SERPINB10: variants seen among roughly 807,000 people sequenced by gnomAD.
SERPINB10 encodes the protein serpin B10.
Under a neutral mutation model 39.1 loss-of-function variants are expected in SERPINB10, and 35 were observed. That is an observed-to-expected ratio of 0.90 (90% confidence interval 0.68 to 1.19). SERPINB10 has a LOEUF of 1.19. Among genes scored for constraint, SERPINB10 ranks in the 50% most tolerant of loss-of-function variants. SERPINB10 has a pLI of 0.00. For synonymous variants in SERPINB10, 190 were observed against 158.1 expected (o/e 1.20, Z -1.52); for missense variants, 546 against 460.5 (o/e 1.19, Z -1.70).
chr18:63,921,645 C>T (rs17072161), intron 5 of SERPINB10, among the ~76,000 whole-genome samples: 2,380 of 152,010 alleles, frequency 0.016, 71 homozygotes, highest in African/African-American at 0.053. Flanking sequence ...GCCTAGAATA[C>T]AAATTAGACC....
In SERPINB10 at chr18:63,930,152, C is replaced by G. The variant is rs144898270; in HGVS notation, c.598C>G (p.Gln200Glu). 1.5e-3 allele frequency: 2,431 copies of G among 1,613,304 alleles called. 23 individuals carry two copies. The highest frequency in any genetic ancestry group is 3.4e-3 in the East Asian group (151 of 44,852). ...KGIWEHQFLV[Q>E]NTTEKPFRIN... ...AATCTGGGAACATCAATTCTTAGTG[C>G]AAAACACCACAGAAAAGCCTTTTAG... The change falls in exon 6 of 8, where the codon CAA becomes GAA. Residue 200 changes from glutamine to glutamate, a missense_variant. Coordinates refer to ENST00000238508, the MANE Select transcript of SERPINB10 (RefSeq NM_005024.3).
chr18:63,934,747 C>T (rs2144742718), intron 7 of SERPINB10, 91 bp from the exon 8 acceptor site: 1 of 1,296,816 alleles, frequency 7.7e-7, no homozygotes, highest in Admixed American at 2.5e-5. Context: ...TCATAATTCA[C>T]CTATGTAATT....
intron 1 of SERPINB10, among the ~76,000 whole-genome samples, chr18:63,913,848 A>C (rs2050082513): frequency 6.6e-6 from 1 of 152,010 alleles, no homozygotes; most frequent in Non-Finnish European, 1.5e-5. Flanking sequence ...AATGCTGTCA[A>C]TGGGGTGTTA....
chr18:63,918,416 G>C (rs1446416401), intron 4 of SERPINB10, among the ~76,000 whole-genome samples: 1 of 152,032 alleles, frequency 6.6e-6, no homozygotes, highest in African/African-American at 2.4e-5. Context: ...TGGGATGAGA[G>C]AAGTGAGGAG....
intron 5 of SERPINB10, among the ~76,000 whole-genome samples, chr18:63,922,839 A>T (rs547151989): frequency 6.6e-6 from 1 of 152,130 alleles, no homozygotes; most frequent in Non-Finnish European, 1.5e-5. Context: ...AATGTGGCTA[A>T]TGTGACTGAG....
intron 1 of SERPINB10, among the ~76,000 whole-genome samples, chr18:63,910,594 T>C (rs2050056965): frequency 6.6e-6 from 1 of 151,992 alleles, no homozygotes; most frequent in African/African-American, 2.4e-5. Context: ...GATAACAGCC[T>C]CTAGTGCATC....
chr18:63,930,328 T>C (rs2050213434), intron 6 of SERPINB10, 141 bp downstream of exon 6: 8 of 868,784 alleles, frequency 9.2e-6, no homozygotes, highest in Non-Finnish European at 1.4e-5. Flanking sequence ...GCTAAAAGCC[T>C]TCAGTTCCAT....
intron 1 of SERPINB10, among the ~76,000 whole-genome samples, chr18:63,911,264 T>C (rs550560525): frequency 1.3e-5 from 2 of 152,242 alleles, no homozygotes; most frequent in East Asian, 3.9e-4. Flanking sequence ...TTTCTTTTGC[T>C]GTGCAGAAGC....
At chr18:63,921,249 T>C (rs1201803256) in intron 5 of SERPINB10, among the ~76,000 whole-genome samples, 1 of 151,972 alleles carries the variant, frequency 6.6e-6, no homozygotes, top group East Asian at 1.9e-4. Context: ...ACATGGAATG[T>C]TTTGCTGTCT....
chr18:63,919,844 T>C lies in SERPINB10; in HGVS notation c.429T>C (p.Phe143=). 1 of 1,610,708 alleles carries C rather than the reference T, an allele frequency of 6.2e-7. No individual in the cohort carries two copies. Among genetic ancestry groups the C allele is most frequent in the Non-Finnish European group, 8.5e-7 (1 of 1,178,180 alleles). ...GTGCAGAACCTCAGCCTGTTAACTT[T>C]GTGGAAGCTTCTGATCAAATCAGAA... ...YFGAEPQPVN[F]VEASDQIRKD... is the part of the protein sequence containing the mutation. Residue 143 remains phenylalanine, a synonymous_variant, in exon 5 of 8, where the codon TTT becomes TTC. Transcript: ENST00000238508.
chr18:63,924,976 G>T (rs1218250640), intron 5 of SERPINB10, among the ~76,000 whole-genome samples: 2 of 151,844 alleles, frequency 1.3e-5, no homozygotes, highest in African/African-American at 2.4e-5. Context: ...TTTTAAGGCT[G>T]AAAAAAAGTA....
chr18:63,934,369 A>G (rs1199599023), intron 7 of SERPINB10, among the ~76,000 whole-genome samples: 1 of 152,110 alleles, frequency 6.6e-6, no homozygotes, highest in Non-Finnish European at 1.5e-5. Context: ...TTTTTGACTT[A>G]GTCTATAATT....
At chr18:63,917,289 T>A (rs2050110426) in intron 2 of SERPINB10, among the ~76,000 whole-genome samples, 167 bp from the exon 3 acceptor site, 1 of 152,080 alleles carries the variant, frequency 6.6e-6, no homozygotes, top group Non-Finnish European at 1.5e-5. Context: ...TAAGAGCAGT[T>A]CTTGACTTAT....
At chr18:63,918,211 T>G (rs1376486054) in intron 4 of SERPINB10, 109 bp downstream of exon 4, 1 of 1,149,332 alleles carries the variant, frequency 8.7e-7, no homozygotes, top group Non-Finnish European at 1.3e-6. Flanking sequence ...CTTCATGTGG[T>G]CAGTACTTCC....
chr18:63,921,492 G>A (rs754523772), intron 5 of SERPINB10, among the ~76,000 whole-genome samples: 2 of 151,860 alleles, frequency 1.3e-5, no homozygotes, highest in Non-Finnish European at 2.9e-5. Flanking sequence ...CCTCTTAAAT[G>A]TTTCTCAGAG....
intron 2 of SERPINB10, among the ~76,000 whole-genome samples, chr18:63,917,048 A>AG (rs1206291101): frequency 1.3e-5 from 2 of 151,890 alleles, no homozygotes; most frequent in Non-Finnish European, 2.9e-5. Flanking sequence ...TTAACTAGAA[A>AG]AAAAACAACT....
chr18:63,922,998 G>C (rs999609931), intron 5 of SERPINB10, among the ~76,000 whole-genome samples: 1 of 151,894 alleles, frequency 6.6e-6, no homozygotes, highest in Non-Finnish European at 1.5e-5. Flanking sequence ...ATGGAAGAAA[G>C]GGCAGACTGC....
At chr18:63,924,676 C>T (rs1011485795) in intron 5 of SERPINB10, among the ~76,000 whole-genome samples, 1 of 151,896 alleles carries the variant, frequency 6.6e-6, no homozygotes, top group Non-Finnish European at 1.5e-5. Context: ...GAATGCATGG[C>T]CTTTGAGTTT....
intron 1 of SERPINB10, among the ~76,000 whole-genome samples, chr18:63,909,879 C>G (rs995921974): frequency 6.6e-6 from 1 of 152,026 alleles, no homozygotes; most frequent in East Asian, 1.9e-4. Flanking sequence ...AAGAAAGTCA[C>G]AGGCAAATAT....
Sources: gnomAD v4.1 joint callset for allele counts (sites outside exome capture counted in the v4.1 genomes callset) on GRCh38, gnomAD v4.1.1 for gene constraint, MANE v1.5 for transcripts, NCBI Gene and HGNC (gene_info 2026-07-23, HGNC 2026-07-21) for gene names.